Variants in SYNCRIP observed in about 807,000 individuals in gnomAD.
SYNCRIP encodes heterogeneous nuclear ribonucleoprotein Q.
Under a neutral mutation model 68.9 loss-of-function variants are expected in SYNCRIP, and 9 were observed. The observed-to-expected ratio is 0.13, with a 90% CI of 0.08 to 0.23. The LOEUF is 0.23. SYNCRIP is among the 10% of genes least tolerant of loss of function. The pLI is 1.00. For synonymous variants in SYNCRIP, 258 were observed against 254.0 expected, an observed-to-expected ratio of 1.02 and a Z score of -0.15; for missense variants, 414 against 770.6, an observed-to-expected ratio of 0.54 and a Z score of 5.48.
At chr6:85,618,982 A>G (rs1197297971) in intron 9 of SYNCRIP, 43 bp from the exon 10 acceptor site, 3 of 1,558,870 alleles carry the variant, frequency 1.9e-6, no homozygotes, top group Admixed American at 3.6e-5. Flanking sequence ...GGACTTTCAT[A>G]CAATTATGAT....
intron 6 of SYNCRIP, among the ~76,000 whole-genome samples, chr6:85,629,979 C>G (rs1367606671): frequency 7.0e-6 from 1 of 143,388 alleles, no homozygotes; most frequent in East Asian, 2.1e-4. Flanking sequence ...GAGGATTTGT[C>G]TCAAAAAAAA....
intron 8 of SYNCRIP, among the ~76,000 whole-genome samples, chr6:85,622,163 G>A (rs1806488397): frequency 6.6e-6 from 1 of 152,096 alleles, no homozygotes; most frequent in South Asian, 2.1e-4. Flanking sequence ...CCCGAGGTCA[G>A]GAGTTCGAGA....
chr6:85,632,669 C>A (rs1333094089), intron 6 of SYNCRIP, among the ~76,000 whole-genome samples: 2 of 152,242 alleles, frequency 1.3e-5, no homozygotes, highest in Non-Finnish European at 2.9e-5. Flanking sequence ...TGGCCAGGCG[C>A]AGTGGCTCAT....
In SYNCRIP at chr6:85,614,248, A is replaced by T. The variant is rs1032287872; in HGVS notation, c.*508T>A. ...GTGTGAATTTTTTATTGAAATAAAC[A>T]ACAGCATAAAGAATACAAGTAGCCA... On this transcript the variant is annotated 3_prime_UTR_variant, in exon 11 of 11. Transcript: ENST00000369622. 16 of 985,450 alleles carry T rather than the reference A, an allele frequency of 1.6e-5. No individual in the cohort carries two copies. The highest frequency in any genetic ancestry group is 6.1e-5 in the Admixed American group (1 of 16,270). The allele number at this position is 985,450 out of a possible 1,614,324, so 61.0% of individuals were successfully genotyped here. A position where few individuals can be genotyped will look rare whatever the true frequency, so the allele number is the denominator to read the frequency against.
At position 85,615,038 on chromosome 6, in the gene SYNCRIP, T is replaced by G; in HGVS notation, c.1590A>C (p.Gly530=). 3 of 1,614,112 alleles carry G rather than the reference T, an allele frequency of 1.9e-6. No individual in the cohort carries two copies. Among genetic ancestry groups the G allele is most frequent in the Non-Finnish European group, 2.5e-6 (3 of 1,180,022 alleles). The change falls in exon 11 of 11, where the codon GGA becomes GGC. Residue 530 remains glycine (G), a synonymous_variant. Transcript: ENST00000369622. ...RAGYSQRGGP[G]SARGVRGARG... is the part of the protein sequence containing the mutation. The stretch of plus-strand genomic sequence containing the variant: ...TCGCACCTCGAACGCCTCTTGCTGA[T>G]CCAGGACCTCCTCTCTGTGAATAAC...
chr6:85,629,362 C>T (rs1026923730), intron 6 of SYNCRIP, among the ~76,000 whole-genome samples: 1 of 152,036 alleles, frequency 6.6e-6, no homozygotes, highest in Non-Finnish European at 1.5e-5. Context: ...TAAAAGTTTT[C>T]ATGCTAAACA....
Position 85,618,942 on chromosome 6 carries a change from TA to T in SYNCRIP, c.1159-4del. Reference sequence around the variant, plus strand: ...TTGCCATTCATTTCTTCCATAGCCTTAAAAAATTAGATAAGTCAATATAAAA... The same window carrying T: ...TTGCCATTCATTTCTTCCATAGCCTTAAAAATTAGATAAGTCAATATAAAA... On this transcript the variant is annotated splice_polypyrimidine_tract_variant and splice_region_variant and intron_variant, in intron 9 of 10. Transcript: ENST00000369622. 1.9e-6 allele frequency: 3 copies of T among 1,605,102 alleles called. No homozygotes were observed. The highest frequency in any genetic ancestry group is 2.5e-6 in the Non-Finnish European group (3 of 1,176,600).
intron 9 of SYNCRIP, 115 bp from the exon 10 acceptor site, chr6:85,619,054 AG>A (rs1806094289): frequency 8.3e-7 from 1 of 1,205,254 alleles, no homozygotes; most frequent in African/African-American, 1.5e-5. Context: ...AGCCCCATGC[AG>A]GCAGTCAAAT....
intron 10 of SYNCRIP, among the ~76,000 whole-genome samples, chr6:85,618,504 G>A (rs1408786953): frequency 1.3e-5 from 2 of 151,988 alleles, no homozygotes; most frequent in African/African-American, 4.8e-5. Context: ...GAGTGCCACT[G>A]CACTCCAGCC....
chr6:85,624,047 C>T lies in SYNCRIP; in HGVS notation c.732G>A (p.Arg244=), dbSNP rs755729566. 11 of 1,613,788 alleles carry T rather than the reference C, an allele frequency of 6.8e-6. No individual in the cohort carries two copies. Among genetic ancestry groups the T allele is most frequent in the Non-Finnish European group, 9.3e-6 (11 of 1,179,934 alleles). ...IGVCISVANN[R]LFVGSIPKSK... ...TCTTAGGAATAGAGCCCACAAAAAG[C>T]CTATTGTTGGCAACTGAGATGCAGA... The change falls in exon 7 of 11, where the codon AGG becomes AGA. Residue 244 remains arginine (R), a synonymous_variant. Transcript: ENST00000369622.
At chr6:85,612,671 A>G (rs963383370), downstream of SYNCRIP, 2 of 413,974 alleles carry the variant, frequency 4.8e-6, no homozygotes, top group African/African-American at 4.1e-5. Flanking sequence ...CTTTAGTTTA[A>G]TAACTTGCAC....
intron 6 of SYNCRIP, among the ~76,000 whole-genome samples, chr6:85,624,836 A>C (rs1351021197): frequency 1.3e-5 from 2 of 152,372 alleles, no homozygotes; most frequent in African/African-American, 4.8e-5. Context: ...GTATCCAAGT[A>C]ATCTAGAAAA....
intron 2 of SYNCRIP, 27 bp from the exon 3 acceptor site, chr6:85,640,591 TTAA>T: frequency 7.0e-7 from 1 of 1,432,562 alleles, no homozygotes; most frequent in Non-Finnish European, 9.5e-7. Context: ...TTATCAGCTT[TTAA>T]TATTTTTAGA....
At chr6:85,642,350 G>A (rs1011171262) in intron 1 of SYNCRIP, among the ~76,000 whole-genome samples, 2 of 152,134 alleles carry the variant, frequency 1.3e-5, no homozygotes, top group Non-Finnish European at 2.9e-5. Flanking sequence ...TTACCCTTCC[G>A]TGCAGTGACT....
chr6:85,616,755 G>A (rs968028397), intron 10 of SYNCRIP, among the ~76,000 whole-genome samples: 8 of 152,122 alleles, frequency 5.3e-5, no homozygotes, highest in African/African-American at 1.9e-4. Flanking sequence ...CTGGTTTATT[G>A]TTTTGAGGAA....
chr6:85,635,057 C>T (rs1227021632), intron 6 of SYNCRIP, among the ~76,000 whole-genome samples: 1 of 152,066 alleles, frequency 6.6e-6, no homozygotes, highest in Non-Finnish European at 1.5e-5. Flanking sequence ...CCCAGCTACT[C>T]GGGTGGCTGA....
Position 85,622,470 on chromosome 6 carries a change from G to C in SYNCRIP, c.1008+12C>G. 1 of 1,494,740 alleles carries C rather than the reference G, an allele frequency of 6.7e-7. No homozygotes were observed. The highest frequency in any genetic ancestry group is 1.7e-5 in the Admixed American group (1 of 57,676). The allele number at this position is 1,494,740 out of a possible 1,614,324, so 92.6% of individuals were successfully genotyped here. On this transcript the variant is annotated intron_variant, in intron 8 of 10. Coordinates refer to ENST00000369622, the MANE Select transcript of SYNCRIP (RefSeq NM_006372.5). The stretch of plus-strand genomic sequence containing the variant: ...ATCCCTCAAAAAATATTTTTAACTT[G>C]ACTATCATTACCTTTGCCATAACCT...
intron 6 of SYNCRIP, among the ~76,000 whole-genome samples, chr6:85,624,742 GATT>G (rs1806844074): frequency 1.3e-5 from 2 of 152,282 alleles, no homozygotes; most frequent in South Asian, 4.1e-4. Context: ...CCATATCCCA[GATT>G]ATCAGAAAGC....
intron 5 of SYNCRIP, 21 bp downstream of exon 5, chr6:85,637,222 A>C (rs772739743): frequency 1.7e-5 from 28 of 1,609,806 alleles, no homozygotes; most frequent in Admixed American, 5.1e-5. Context: ...TACAAAAGGT[A>C]CAAGTTTTTA....
Sources: allele counts gnomAD v4.1 joint callset (sites outside exome capture counted in the v4.1 genomes callset), GRCh38; gene constraint gnomAD v4.1.1; transcripts MANE v1.5; gene names NCBI Gene and HGNC (gene_info 2026-07-23, HGNC 2026-07-21).